The following TRIM23 variants were observed in gnomAD, a reference collection of about 807,000 sequenced individuals.
TRIM23 encodes the protein E3 ubiquitin-protein ligase TRIM23.
TRIM23 carries 27 observed loss-of-function variants against 71.0 expected under a neutral mutation model. The ratio of observed to expected loss-of-function variants is 0.38; its 90% CI spans 0.28 to 0.52. TRIM23 has a LOEUF of 0.52. Ranked by LOEUF, TRIM23 falls within the 20% of genes least tolerant of loss-of-function variation. The pLI, the probability that TRIM23 is intolerant of heterozygous loss-of-function variation, is 0.84. For missense variants in TRIM23, 482 were observed against 692.3 expected (o/e 0.70, Z 3.41); for synonymous variants, 234 against 238.0 (o/e 0.98, Z 0.16).
intron 7 of TRIM23, among the ~76,000 whole-genome samples, chr5:65,601,873 C>G (rs1163456609): frequency 6.6e-6 from 1 of 152,194 alleles, no homozygotes; most frequent in Non-Finnish European, 1.5e-5. Flanking sequence ...TCAGCCACAG[C>G]TGGAGCAGCT....
chr5:65,592,914 T>C (rs1056158349), intron 10 of TRIM23, among the ~76,000 whole-genome samples: 1 of 152,224 alleles, frequency 6.6e-6, no homozygotes, highest in South Asian at 2.1e-4. Flanking sequence ...AATGTTCAGA[T>C]TGAAGTTTTA....
intron 9 of TRIM23, among the ~76,000 whole-genome samples, chr5:65,595,383 C>T (rs1420229601): frequency 1.3e-5 from 2 of 151,918 alleles, no homozygotes; most frequent in Admixed American, 1.3e-4. Flanking sequence ...TGGTGAAACC[C>T]CGTCTCTACT....
intron 3 of TRIM23, chr5:65,613,862 T>G (rs1202209382): frequency 1.4e-6 from 2 of 1,419,914 alleles, no homozygotes; most frequent in East Asian, 6.6e-5. Flanking sequence ...AGAACTGAAT[T>G]ATGATAAGGA....
rs114826800 is a variant in TRIM23, at chr5:65,599,426, G to A, written c.1180-2246C>T. Among the ~76,000 whole-genome samples, 106 of 152,312 alleles carry A rather than the reference G, an allele frequency of 7.0e-4. 1 individual carries two copies. Among genetic ancestry groups the A allele is most frequent in the Middle Eastern group, 3.4e-3 (1 of 294 alleles). Reference sequence around the variant, plus strand: ...CTTAGGAATAAACTCAACCAAGATGGTGAAAGACTTAAGATACTATGTTGG... The same window carrying A: ...CTTAGGAATAAACTCAACCAAGATGATGAAAGACTTAAGATACTATGTTGG... On this transcript the variant is annotated intron_variant, in intron 7 of 10. Coordinates refer to ENST00000231524, the MANE Select transcript of TRIM23 (RefSeq NM_001656.4).
intron 5 of TRIM23, among the ~76,000 whole-genome samples, chr5:65,610,534 G>A (rs114136360): frequency 3.9e-5 from 6 of 152,180 alleles, no homozygotes; most frequent in East Asian, 1.9e-4. Context: ...CTCATTCCCC[G>A]TTCTGCTCTT....
At chr5:65,611,483 C>T (rs780320460) in intron 4 of TRIM23, 120 bp downstream of exon 4, 12 of 1,086,762 alleles carry the variant, frequency 1.1e-5, no homozygotes, top group South Asian at 1.8e-5. Flanking sequence ...AACCCAATCA[C>T]TCATCACTTA....
At chr5:65,595,761 CATA>C (rs775604091) in intron 9 of TRIM23, among the ~76,000 whole-genome samples, 43 of 151,660 alleles carry the variant, frequency 2.8e-4, no homozygotes, top group Non-Finnish European at 5.4e-4. Context: ...AATTATGGCT[CATA>C]ATAATATCAA....
intron 9 of TRIM23, among the ~76,000 whole-genome samples, chr5:65,595,105 T>C (rs1026875795): frequency 6.6e-5 from 10 of 152,090 alleles, no homozygotes; most frequent in South Asian, 2.1e-4. Context: ...CTTTCAACCA[T>C]TCCTCATATT....
At chr5:65,600,864 T>C (rs571139815) in intron 7 of TRIM23, among the ~76,000 whole-genome samples, 58 of 152,238 alleles carry the variant, frequency 3.8e-4, no homozygotes, top group Admixed American at 3.3e-3. Context: ...CAAGGCAATA[T>C]ACAGATGGCC....
chr5:65,624,055 C>T, intron 1 of TRIM23, 139 bp downstream of exon 1: 1 of 904,156 alleles, frequency 1.1e-6, no homozygotes, highest in Non-Finnish European at 1.7e-6. Context: ...GAGGACAGGA[C>T]GAGACTTGTA....
At position 65,590,720 on chromosome 5, in the gene TRIM23, C is replaced by A; in HGVS notation, c.*1049G>T. 1 of 984,682 alleles carries A rather than the reference C, an allele frequency of 1.0e-6. No individual in the cohort carries two copies. Among genetic ancestry groups the A allele is most frequent in the Non-Finnish European group, 1.2e-6 (1 of 829,640 alleles). 61.0% of individuals were successfully genotyped at this position (984,682 alleles called of 1,614,324 possible). ...TTTAGACATTTTTCCTCTAGAGTAA[C>A]TTTTCAAGGCCTTCTCATGAACAGC... On this transcript the variant is annotated 3_prime_UTR_variant, in exon 11 of 11. Transcript: ENST00000231524.
intron 9 of TRIM23, 97 bp from the exon 10 acceptor site, chr5:65,594,742 G>C: frequency 8.8e-7 from 1 of 1,137,980 alleles, no homozygotes; most frequent in South Asian, 2.1e-5. Context: ...GTTATGGTTA[G>C]AGTTTGTCTA....
At chr5:65,614,407 C>T (rs1754729693) in intron 2 of TRIM23, among the ~76,000 whole-genome samples, 188 bp from the exon 3 acceptor site, 1 of 152,094 alleles carries the variant, frequency 6.6e-6, no homozygotes, top group Non-Finnish European at 1.5e-5. Flanking sequence ...CAGAAGAATC[C>T]TTCAGCCTTC....
intron 3 of TRIM23, among the ~76,000 whole-genome samples, chr5:65,613,420 T>C (rs1319268497): frequency 3.3e-5 from 5 of 152,224 alleles, no homozygotes; most frequent in African/African-American, 1.2e-4. Context: ...GGTTTGCAAG[T>C]TGATCACCAA....
intron 7 of TRIM23, among the ~76,000 whole-genome samples, chr5:65,598,746 C>T (rs1434747798): frequency 2.6e-5 from 2 of 76,916 alleles, no homozygotes; most frequent in Non-Finnish European, 5.0e-5. Flanking sequence ...GAAACTCCGC[C>T]TCAAAAAAAA....
At chr5:65,613,568 T>C (rs1456666631) in intron 3 of TRIM23, among the ~76,000 whole-genome samples, 1 of 152,248 alleles carries the variant, frequency 6.6e-6, no homozygotes, top group Non-Finnish European at 1.5e-5. Flanking sequence ...AATCCAGTGT[T>C]CATGGATTCT....
At chr5:65,621,090 C>T (rs781316017) in intron 1 of TRIM23, among the ~76,000 whole-genome samples, 7 of 152,058 alleles carry the variant, frequency 4.6e-5, no homozygotes, top group Admixed American at 2.6e-4. Flanking sequence ...CGGTGGCTCA[C>T]GCCTGTAATC....
At chr5:65,596,141 T>C (rs1226225621) in intron 9 of TRIM23, among the ~76,000 whole-genome samples, 1 of 152,214 alleles carries the variant, frequency 6.6e-6, no homozygotes, top group Non-Finnish European at 1.5e-5. Context: ...ATACTGGTAA[T>C]ATACACTCTC....
At chr5:65,598,633 C>G (rs1023528508) in intron 7 of TRIM23, among the ~76,000 whole-genome samples, 10 of 151,996 alleles carry the variant, frequency 6.6e-5, no homozygotes, top group Non-Finnish European at 1.3e-4. Flanking sequence ...CCTGTAATCT[C>G]AGCTACAAGG....
Sources: allele counts gnomAD v4.1 joint callset (sites outside exome capture counted in the v4.1 genomes callset), GRCh38; gene constraint gnomAD v4.1.1; transcripts MANE v1.5; gene names NCBI Gene and HGNC (gene_info 2026-07-23, HGNC 2026-07-21).